Variants in BICRA observed in about 807,000 individuals in gnomAD.
The protein encoded by BICRA is BRD4 interacting chromatin remodeling complex associated protein, also known as BRD4-interacting chromatin-remodeling complex-associated protein.
In BICRA, 31 loss-of-function variants were observed where a neutral mutation model predicts 96.9. The ratio of observed to expected loss-of-function variants is 0.32; its 90% CI spans 0.24 to 0.43. The LOEUF (loss-of-function observed/expected upper bound fraction) is 0.43. Ranked by LOEUF, BICRA falls within the 20% of genes least tolerant of loss-of-function variation. The probability of loss-of-function intolerance (pLI) is 1.00; values close to 1 mark genes in which losing one functional copy is unlikely to be tolerated. For synonymous variants in BICRA, 1,350 were observed against 1,071.8 expected, an observed-to-expected ratio of 1.26 and a Z score of -5.07; for missense variants, 2,283 against 2,190.3, an observed-to-expected ratio of 1.04 and a Z score of -0.84.
chr19:47,661,830 A>G (rs1004581287), intron 1 of BICRA: 3 of 152,310 alleles, frequency 2.0e-5, no homozygotes, highest in African/African-American at 7.2e-5. Flanking sequence ...CTGTCACTAC[A>G]TAACACACAG....
chr19:47,611,499 G>A (rs1039374697), intron 1 of BICRA, among the ~76,000 whole-genome samples: 2 of 152,146 alleles, frequency 1.3e-5, no homozygotes, highest in Non-Finnish European at 2.9e-5. Flanking sequence ...CTACCTGAGC[G>A]GGGGACTTGG....
rs184292111 is a variant in BICRA, at chr19:47,610,594, C to A, written c.-108+1426C>A. Among the ~76,000 whole-genome samples, 57 of 102,916 alleles carry A rather than the reference C, an allele frequency of 5.5e-4. 1 individual carries two copies. In the East Asian group the frequency reaches 0.014, roughly 26 times the overall value. 67.5% of individuals were successfully genotyped at this position (102,916 alleles called of 152,430 possible). ...GTGCCCAGGCCCATGTCCTGACCAT[C>A]GTCCCCTTTTGTCACCCCCCCCCCA... is the stretch of plus-strand genomic sequence containing the variant. On this transcript the variant is annotated intron_variant, in intron 1 of 14. Coordinates refer to ENST00000594866, the MANE Select transcript of BICRA (RefSeq NM_001394372.1).
chr19:47,699,258 C>T lies in BICRA; in HGVS notation c.3493-45C>T, dbSNP rs1173374393. On this transcript the variant is annotated intron_variant, in intron 13 of 14. Transcript: ENST00000594866. The surrounding 1 kb of genome is among the most constrained non-coding windows in gnomAD (Gnocchi z 5.0). ...GTCCCCGTCGCTCGCGCCCCTTCCCCCTTCTTGCTGGTTCACTCGCACGTC... is the reference window on the plus strand; with the variant it reads ...GTCCCCGTCGCTCGCGCCCCTTCCCTCTTCTTGCTGGTTCACTCGCACGTC... The T allele has an allele frequency of 6.0e-6, 7 of 1,157,810 alleles. No homozygotes were observed. Among genetic ancestry groups the T allele is most frequent in the African/African-American group, 1.5e-5 (1 of 65,710 alleles). 71.7% of individuals were successfully genotyped at this position (1,157,810 alleles called of 1,614,324 possible). A position where few individuals can be genotyped will look rare whatever the true frequency, so the allele number is the denominator to read the frequency against.
At chr19:47,633,394 T>C (rs1421935505) in intron 1 of BICRA, among the ~76,000 whole-genome samples, 1 of 152,094 alleles carries the variant, frequency 6.6e-6, no homozygotes, top group African/African-American at 2.4e-5. Context: ...TTTTCCAAGA[T>C]GGGATCTCCC....
intron 1 of BICRA, among the ~76,000 whole-genome samples, chr19:47,666,658 G>C (rs912047067): frequency 6.6e-6 from 1 of 152,052 alleles, no homozygotes; most frequent in Non-Finnish European, 1.5e-5. Flanking sequence ...TGCAGCCTTG[G>C]CCTCTGTAGC....
At chr19:47,626,716 G>GT (rs1216901587) in intron 1 of BICRA, among the ~76,000 whole-genome samples, 1 of 108,012 alleles carries the variant, frequency 9.3e-6, no homozygotes, top group Non-Finnish European at 1.9e-5. Context: ...CTGCATCCTG[G>GT]GTTTTTTTTT....
Position 47,701,152 on chromosome 19 carries a change from G to A in BICRA, c.3596-176G>A. On this transcript the variant is annotated intron_variant, in intron 14 of 14. Coordinates refer to ENST00000594866, the MANE Select transcript of BICRA (RefSeq NM_001394372.1). The surrounding 1 kb of genome is among the most constrained non-coding windows in gnomAD (Gnocchi z 5.4). ...GCCAGGCACAGTGGTTTTAGAGTTG[G>A]GGGAATTTGGGCCTTGCTGAAGAGG... The A allele has an allele frequency of 1.7e-6, 1 of 603,398 alleles. No homozygotes were observed. Among genetic ancestry groups the A allele is most frequent in the Admixed American group, 3.0e-5 (1 of 32,946 alleles). 37.4% of individuals were successfully genotyped at this position (603,398 alleles called of 1,614,324 possible). A position where few individuals can be genotyped will look rare whatever the true frequency, so the allele number is the denominator to read the frequency against.
At position 47,680,876 on chromosome 19, in the gene BICRA, A is replaced by T; in HGVS notation, c.1706A>T (p.Gln569Leu). Residue 569 changes from glutamine (Q) to leucine (L), a missense_variant, in exon 6 of 15, where the codon CAG (glutamine) becomes CTG (leucine). Coordinates refer to ENST00000594866, the MANE Select transcript of BICRA (RefSeq NM_001394372.1). ...CTGGCGGCGGGCAGCCTGCCCACGC[A>T]GAGCCAGCCAGCGCCCGCCGGGCCG... ...VSLAAGSLPTQSQPAPAGPAA... is the reference protein window; with the variant it reads ...VSLAAGSLPTLSQPAPAGPAA... 1 of 1,493,158 alleles carries T rather than the reference A, an allele frequency of 6.7e-7. No homozygotes were observed. The highest frequency in any genetic ancestry group is 8.8e-7 in the Non-Finnish European group (1 of 1,131,726). 92.5% of individuals were successfully genotyped at this position (1,493,158 alleles called of 1,614,324 possible).
At chr19:47,630,925 T>G (rs1310374752) in intron 1 of BICRA, among the ~76,000 whole-genome samples, 2 of 152,168 alleles carry the variant, frequency 1.3e-5, no homozygotes, top group Non-Finnish European at 2.9e-5. Context: ...TTATTTTTTT[T>G]CCCCACACGA....
chr19:47,638,658 G>C (rs1033175302), intron 1 of BICRA, among the ~76,000 whole-genome samples: 5 of 151,644 alleles, frequency 3.3e-5, no homozygotes, highest in Non-Finnish European at 5.9e-5. Context: ...GGTTTGTTTT[G>C]TTTTGTTTTG....
intron 10 of BICRA, among the ~76,000 whole-genome samples, 197 bp downstream of exon 10, chr19:47,695,671 G>A (rs1973329276): frequency 6.6e-6 from 1 of 152,136 alleles, no homozygotes; most frequent in African/African-American, 2.4e-5. Context: ...CCAGAGATGA[G>A]GGAGAAACAC....
intron 1 of BICRA, among the ~76,000 whole-genome samples, chr19:47,650,920 G>A (rs990395306): frequency 5.9e-5 from 9 of 152,130 alleles, no homozygotes; most frequent in Non-Finnish European, 1.0e-4. Flanking sequence ...CACCCATCTT[G>A]ACACCATCTG....
rs746962127 is a variant in BICRA, at chr19:47,701,494, C to A, written c.3762C>A (p.Gly1254=). 4 of 1,548,652 alleles carry A rather than the reference C, an allele frequency of 2.6e-6. No homozygotes were observed. The highest frequency in any genetic ancestry group is 2.7e-5 in the African/African-American group (2 of 72,964). The change falls in exon 15 of 15, where the codon GGC becomes GGA. Residue 1254 remains glycine, a synonymous_variant. Coordinates refer to ENST00000594866, the MANE Select transcript of BICRA (RefSeq NM_001394372.1). The surrounding 1 kb of genome is among the most constrained non-coding windows in gnomAD (Gnocchi z 5.4). ...TKLVIRHGGA[G]GSPSVTWARA... Reference sequence around the variant, plus strand: ...TTGTGATCCGGCACGGCGGGGCAGGCGGCTCCCCTTCGGTCACCTGGGCCC... The same window carrying A: ...TTGTGATCCGGCACGGCGGGGCAGGAGGCTCCCCTTCGGTCACCTGGGCCC...
intron 7 of BICRA, 28 bp downstream of exon 7, chr19:47,682,180 G>A (rs769290630): frequency 3.3e-5 from 38 of 1,145,974 alleles, no homozygotes; most frequent in East Asian, 5.0e-5. Flanking sequence ...GCCTGTGTCC[G>A]CAGCACAGAC....
rs923356344 is a variant in BICRA, at chr19:47,680,236, G to A, written c.1066G>A (p.Ala356Thr). ...ACCCACGCCCATCCAGCCCAAGCCC[G>A]CGGGGGTGCTGCCGCCCAAGCTCTA... ...RTPTPIQPKP[A>T]GVLPPKLYQL... is the part of the protein sequence containing the mutation. The change falls in exon 6 of 15, where the codon GCG (alanine) becomes ACG (threonine). Residue 356 changes from alanine (A) to threonine (T), a missense_variant. Ala to Thr is a moderately conservative substitution (Grantham distance 58, BLOSUM62 0). Coordinates refer to ENST00000594866, the MANE Select transcript of BICRA (RefSeq NM_001394372.1). 47 of 1,559,890 alleles carry A rather than the reference G, an allele frequency of 3.0e-5. No individual in the cohort carries two copies. The highest frequency in any genetic ancestry group is 3.8e-5 in the Non-Finnish European group (44 of 1,161,758).
chr19:47,680,899 C>T lies in BICRA; in HGVS notation c.1729C>T (p.Pro577Ser). The T allele has an allele frequency of 3.4e-6, 5 of 1,484,724 alleles. No homozygotes were observed. Among genetic ancestry groups the T allele is most frequent in the Non-Finnish European group, 4.4e-6 (5 of 1,130,020 alleles). 92.0% of individuals were successfully genotyped at this position (1,484,724 alleles called of 1,614,324 possible). The change falls in exon 6 of 15, where the codon CCG becomes TCG. Residue 577 changes from proline (P) to serine (S), a missense_variant. Physicochemically the swap from Pro to Ser is moderately conservative, Grantham distance 74 (BLOSUM62 -1). Transcript: ENST00000594866. Reference sequence around the variant, plus strand: ...GCAGAGCCAGCCAGCGCCCGCCGGGCCGGCCGCCACCACTGTCCTCCAGGG... The same window carrying T: ...GCAGAGCCAGCCAGCGCCCGCCGGGTCGGCCGCCACCACTGTCCTCCAGGG... Reference protein sequence around the residue: ...PTQSQPAPAGPAATTVLQGVT... With the variant: ...PTQSQPAPAGSAATTVLQGVT...
In BICRA at chr19:47,694,641, C is replaced by T. The variant is rs566768727; in HGVS notation, c.2810C>T (p.Pro937Leu). 11 of 1,578,818 alleles carry T rather than the reference C, an allele frequency of 7.0e-6. No homozygotes were observed. Among genetic ancestry groups the T allele is most frequent in the South Asian group, 3.3e-5 (3 of 90,334 alleles). Residue 937 changes from proline (P) to leucine (L), a missense_variant, in exon 8 of 15, where the codon CCA becomes CTA. Transcript: ENST00000594866. ...HLVPEPAAPP[P>L]PPPRTFQMVT... ...GTCCCTGAGCCGGCAGCACCCCCCC[C>T]ACCGCCTCCTCGGACCTTCCAGATG...
chr19:47,681,329 AAG>A, intron 6 of BICRA, 53 bp downstream of exon 6: 1 of 1,480,258 alleles, frequency 6.8e-7, no homozygotes, highest in South Asian at 1.2e-5. Context: ...GTTTGGGAGG[AAG>A]AGGGGTCCTG....
chr19:47,653,848 TTGAAAC>T (rs1003830407), intron 1 of BICRA, among the ~76,000 whole-genome samples: 3 of 152,220 alleles, frequency 2.0e-5, no homozygotes, highest in African/African-American at 7.2e-5. Context: ...TTTTGTTTTT[TTGAAAC>T]TGAGTTTCGC....
Sources: gnomAD v4.1 joint callset for allele counts (sites outside exome capture counted in the v4.1 genomes callset) on GRCh38, gnomAD v4.1.1 for gene constraint, Gnocchi (gnomAD v3.1) non-coding constraint, MANE v1.5 for transcripts, NCBI Gene and HGNC (gene_info 2026-07-23, HGNC 2026-07-21) for gene names.